The following ZNG1A variants were observed in gnomAD, a reference collection of about 807,000 sequenced individuals.
The protein encoded by ZNG1A is Zn regulated GTPase metalloprotein activator 1A.
chr9:154,884 C>G, the ZNG1A span: 58 of 1,229,784 alleles, frequency 4.7e-5, no homozygotes, highest in East Asian at 4.8e-4. Context: ...GTTAACAAAT[C>G]AAAAATAAAT....
At chr9:140,483 A>G in the ZNG1A span, among the ~76,000 whole-genome samples, 3 of 151,638 alleles carry the variant, frequency 2.0e-5, no homozygotes, top group Non-Finnish European at 4.4e-5. Flanking sequence ...TAACAAACAG[A>G]AAGGACATCC....
the ZNG1A span, among the ~76,000 whole-genome samples, chr9:143,301 T>C: frequency 1.4e-5 from 2 of 147,824 alleles, no homozygotes; most frequent in African/African-American, 5.1e-5. Context: ...CTCAATAAAA[T>C]ACTGGCAAAC....
the ZNG1A span, chr9:171,948 C>T: frequency 7.1e-7 from 1 of 1,416,010 alleles, no homozygotes; most frequent in Non-Finnish European, 9.8e-7. Flanking sequence ...TACTTTTCCT[C>T]TTTTAAACCA....
the ZNG1A span, chr9:163,982 A>G: frequency 6.3e-7 from 1 of 1,597,698 alleles, no homozygotes; most frequent in Non-Finnish European, 8.5e-7. Flanking sequence ...ACTTACCATC[A>G]AGATAAATAT....
chr9:127,749 C>G, the ZNG1A span, among the ~76,000 whole-genome samples: 4 of 136,186 alleles, frequency 2.9e-5, no homozygotes, highest in Non-Finnish European at 6.4e-5. Context: ...CCTTGTTTTT[C>G]TGGTTTTTGT....
the ZNG1A span, among the ~76,000 whole-genome samples, chr9:163,460 G>T: frequency 6.6e-6 from 1 of 152,090 alleles, no homozygotes; most frequent in Non-Finnish European, 1.5e-5. Context: ...CACTAAATTG[G>T]AAGTTGAGTG....
the ZNG1A span, chr9:121,437 C>A: frequency 1.3e-6 from 2 of 1,577,988 alleles, no homozygotes; most frequent in Non-Finnish European, 1.7e-6. Flanking sequence ...TTTTATTATC[C>A]AATCCTTTTG....
the ZNG1A span, among the ~76,000 whole-genome samples, chr9:174,814 A>G: frequency 6.6e-6 from 1 of 151,076 alleles, no homozygotes; most frequent in Admixed American, 6.6e-5. Flanking sequence ...AAAAACTTCT[A>G]TAAAGATAAC....
chr9:154,367 C>G, the ZNG1A span: 15,999 of 414,570 alleles, frequency 0.039, 420 homozygotes, highest in African/African-American at 0.091. Context: ...CAGGAACTGA[C>G]AGGATGCATC....
At chr9:164,862 T>C in the ZNG1A span, among the ~76,000 whole-genome samples, 15 of 152,128 alleles carry the variant, frequency 9.9e-5, no homozygotes, top group Non-Finnish European at 2.1e-4. Flanking sequence ...TCTGCCAAGA[T>C]GTGGTCCCCC....
chr9:121,729 A>C, the ZNG1A span: 1 of 1,078,226 alleles, frequency 9.3e-7, no homozygotes, highest in Non-Finnish European at 1.3e-6. Flanking sequence ...CCAGGTCAGT[A>C]CATCAAAGTC....
chr9:149,362 C>T, the ZNG1A span: 1 of 150,846 alleles, frequency 6.6e-6, no homozygotes, highest in African/African-American at 2.5e-5. Flanking sequence ...AGTTTTCTAG[C>T]CATTCTAAAA....
the ZNG1A span, among the ~76,000 whole-genome samples, chr9:133,459 C>T: frequency 6.7e-6 from 1 of 149,024 alleles, no homozygotes; most frequent in Non-Finnish European, 1.5e-5. Context: ...TATTAAAATA[C>T]ATTTGTTTTT....
chr9:138,407 T>TA, the ZNG1A span, among the ~76,000 whole-genome samples: 2 of 122,490 alleles, frequency 1.6e-5, no homozygotes, highest in East Asian at 2.3e-4. Context: ...TTTTTTTTTT[T>TA]ACAAACTACA....
At chr9:174,054 G>C in the ZNG1A span, among the ~76,000 whole-genome samples, 1 of 151,684 alleles carries the variant, frequency 6.6e-6, no homozygotes, top group African/African-American at 2.4e-5. Context: ...GGCTGAGGCA[G>C]GAGAATGGCG....
At chr9:150,626 C>A in the ZNG1A span, 22 of 965,948 alleles carry the variant, frequency 2.3e-5, 2 homozygotes, top group Non-Finnish European at 2.7e-5. Context: ...CTCAGATGCA[C>A]TGGCAAGCAC....
chr9:139,078 C>T, the ZNG1A span, among the ~76,000 whole-genome samples: 65,691 of 140,206 alleles, frequency 0.47, 16,588 homozygotes, highest in African/African-American at 0.64. Flanking sequence ...GAGATATTCA[C>T]TGCAGCATTA....
the ZNG1A span, among the ~76,000 whole-genome samples, chr9:127,072 T>C: frequency 5.9e-5 from 9 of 152,148 alleles, no homozygotes; most frequent in Non-Finnish European, 2.9e-5. Flanking sequence ...TTTCTTAAAA[T>C]TTATTGAGGC....
At chr9:155,904 G>A in the ZNG1A span, among the ~76,000 whole-genome samples, 6 of 148,586 alleles carry the variant, frequency 4.0e-5, no homozygotes, top group African/African-American at 1.5e-4. Flanking sequence ...TCAGGAGCTC[G>A]AGACCAGCCT....
Sources: allele counts gnomAD v4.1 joint callset (sites outside exome capture counted in the v4.1 genomes callset), GRCh38; gene constraint gnomAD v4.1.1; transcripts MANE v1.5; gene names NCBI Gene and HGNC (gene_info 2026-07-23, HGNC 2026-07-21).